GPC6: variants seen among roughly 807,000 people sequenced by gnomAD.
The protein encoded by GPC6 is glypican 6, also known as glypican-6.
GPC6 carries 14 observed loss-of-function variants against 55.2 expected under a neutral mutation model. The observed-to-expected ratio is 0.25, with a 90% CI of 0.17 to 0.40. The LOEUF (loss-of-function observed/expected upper bound fraction) is 0.40, where lower values mean the gene tolerates loss of function less well. Ranked by LOEUF, GPC6 falls within the 10% of genes least tolerant of loss-of-function variation. The pLI is 1.00. For missense variants in GPC6, 641 were observed against 708.5 expected (o/e 0.90, Z 1.08); for synonymous variants, 278 against 259.6 (o/e 1.07, Z -0.68).
intron 3 of GPC6, among the ~76,000 whole-genome samples, chr13:93,863,330 C>T (rs1888869989): frequency 6.6e-6 from 1 of 151,544 alleles, no homozygotes; most frequent in African/African-American, 2.4e-5. Flanking sequence ...GACCATATGG[C>T]CTACAAAGTA....
intron 6 of GPC6, among the ~76,000 whole-genome samples, chr13:94,333,183 T>G (rs1463046998): frequency 6.6e-6 from 1 of 152,224 alleles, no homozygotes; most frequent in African/African-American, 2.4e-5. Flanking sequence ...CCCTTAATTT[T>G]TTACTATAAA....
At chr13:93,249,222 G>A (rs1453694174) in intron 1 of GPC6, among the ~76,000 whole-genome samples, 3 of 152,252 alleles carry the variant, frequency 2.0e-5, no homozygotes, top group East Asian at 3.9e-4. Context: ...ACCATTAATA[G>A]GGGCCCCCAT....
chr13:93,749,979 C>G (rs970179908), intron 2 of GPC6, among the ~76,000 whole-genome samples: 1 of 151,984 alleles, frequency 6.6e-6, no homozygotes, highest in Admixed American at 6.6e-5. Context: ...TTCTAGGGCT[C>G]TTTTGGATGT....
intron 2 of GPC6, among the ~76,000 whole-genome samples, chr13:93,701,597 A>C (rs927241260): frequency 6.6e-6 from 1 of 152,034 alleles, no homozygotes; most frequent in Non-Finnish European, 1.5e-5. Context: ...TTTCACAAAA[A>C]GATTTATCTG....
chr13:94,215,883 G>A (rs542446097), intron 4 of GPC6, among the ~76,000 whole-genome samples: 60 of 152,156 alleles, frequency 3.9e-4, no homozygotes, highest in Middle Eastern at 6.8e-3. Context: ...ATTTAACTTC[G>A]TTAATAGTAA....
chr13:93,374,446 CAG>C (rs1207668912), intron 1 of GPC6, among the ~76,000 whole-genome samples: 4 of 152,100 alleles, frequency 2.6e-5, no homozygotes, highest in African/African-American at 9.7e-5. Flanking sequence ...TCTCCTGCAA[CAG>C]AGTCTTTACC....
intron 4 of GPC6, among the ~76,000 whole-genome samples, chr13:94,129,504 A>T (rs1886938551): frequency 6.6e-6 from 1 of 152,110 alleles, no homozygotes; most frequent in Non-Finnish European, 1.5e-5. Flanking sequence ...AGCAGTAACA[A>T]CTGTGTCTAC....
At chr13:94,366,063 A>T (rs1370364612) in intron 6 of GPC6, among the ~76,000 whole-genome samples, 1 of 152,224 alleles carries the variant, frequency 6.6e-6, no homozygotes, top group Non-Finnish European at 1.5e-5. Flanking sequence ...ATATTTTCAG[A>T]GTAACTTCAG....
At chr13:93,606,487 G>A (rs975401724) in intron 2 of GPC6, among the ~76,000 whole-genome samples, 1 of 152,124 alleles carries the variant, frequency 6.6e-6, no homozygotes, top group Non-Finnish European at 1.5e-5. Flanking sequence ...AGGTATTCTT[G>A]TTTGGACAAG....
chr13:93,511,849 C>T (rs1447899812), intron 1 of GPC6, among the ~76,000 whole-genome samples: 1 of 151,720 alleles, frequency 6.6e-6, no homozygotes, highest in Non-Finnish European at 1.5e-5. Flanking sequence ...TTTCTTTCAC[C>T]CAAGTTTTGT....
At chr13:93,971,771 G>A (rs959102575) in intron 3 of GPC6, among the ~76,000 whole-genome samples, 1 of 152,194 alleles carries the variant, frequency 6.6e-6, no homozygotes, top group Non-Finnish European at 1.5e-5. Flanking sequence ...GAAGAGAGAA[G>A]CTAGAAATAA....
intron 4 of GPC6, among the ~76,000 whole-genome samples, chr13:94,079,638 T>C (rs1885038976): frequency 6.6e-6 from 1 of 152,232 alleles, no homozygotes; most frequent in African/African-American, 2.4e-5. Context: ...TGTCCCATGG[T>C]TGTACATATG....
At chr13:94,378,886 G>T (rs941030295) in intron 6 of GPC6, among the ~76,000 whole-genome samples, 13 of 152,114 alleles carry the variant, frequency 8.5e-5, no homozygotes, top group Non-Finnish European at 1.6e-4. Flanking sequence ...AGGAATCAGA[G>T]AAAGGAAATT....
At chr13:93,640,791 TCCTC>T (rs1311399490) in intron 2 of GPC6, among the ~76,000 whole-genome samples, 3 of 66,332 alleles carry the variant, frequency 4.5e-5, no homozygotes, top group Admixed American at 2.5e-4. Context: ...CTCCCTCCCT[TCCTC>T]CTTCCTTCCT....
intron 2 of GPC6, among the ~76,000 whole-genome samples, chr13:93,813,460 C>G (rs189835641): frequency 6.6e-6 from 1 of 152,144 alleles, no homozygotes; most frequent in Non-Finnish European, 1.5e-5. Flanking sequence ...TAAGAATTTG[C>G]TTTAGATGTT....
rs147119522 is a variant in GPC6, at chr13:93,294,269, G to A, written c.160+66653G>A. Among the ~76,000 whole-genome samples, 314 of 152,112 alleles carry A rather than the reference G, an allele frequency of 2.1e-3. 8 individuals are homozygous for A. In the East Asian group the frequency reaches 0.044, roughly 22 times the overall value. ...TATCCTTTACCCAGGCCTTCAATAAGAAAATAATAATAATTTTTTTCCCAA... is the reference window on the plus strand; with the variant it reads ...TATCCTTTACCCAGGCCTTCAATAAAAAAATAATAATAATTTTTTTCCCAA... On this transcript the variant is annotated intron_variant, in intron 1 of 8. Coordinates refer to ENST00000377047, the MANE Select transcript of GPC6 (RefSeq NM_005708.5).
At chr13:94,036,695 A>G (rs1449977992) in intron 4 of GPC6, among the ~76,000 whole-genome samples, 1 of 152,022 alleles carries the variant, frequency 6.6e-6, no homozygotes, top group Non-Finnish European at 1.5e-5. Flanking sequence ...GAGCTGGTAG[A>G]GTTTTCAGAC....
chr13:93,494,450 A>C (rs1385064310), intron 1 of GPC6, among the ~76,000 whole-genome samples: 1 of 151,970 alleles, frequency 6.6e-6, no homozygotes, highest in Non-Finnish European at 1.5e-5. Flanking sequence ...TGAATACAGC[A>C]CACTGATGGG....
chr13:94,265,028 C>T (rs893722896), intron 4 of GPC6, among the ~76,000 whole-genome samples: 6 of 152,154 alleles, frequency 3.9e-5, no homozygotes, highest in South Asian at 2.1e-4. Flanking sequence ...ACCCACAACA[C>T]GTGGGAATTA....
Sources: gnomAD v4.1 joint callset for allele counts (sites outside exome capture counted in the v4.1 genomes callset) on GRCh38, gnomAD v4.1.1 for gene constraint, MANE v1.5 for transcripts, NCBI Gene and HGNC (gene_info 2026-07-23, HGNC 2026-07-21) for gene names.